Variants in RAPGEF5 observed in about 807,000 individuals in gnomAD.
RAPGEF5 encodes the protein Rap guanine nucleotide exchange factor 5.
Under a neutral mutation model 125.2 loss-of-function variants are expected in RAPGEF5, and 65 were observed. The observed-to-expected ratio is 0.52, with a 90% CI of 0.43 to 0.64. The LOEUF is 0.64. Ranked by LOEUF, RAPGEF5 falls within the 30% of genes least tolerant of loss-of-function variation. The pLI, the probability that RAPGEF5 is intolerant of heterozygous loss-of-function variation, is 0.00. For missense variants in RAPGEF5, 958 were observed against 1,048.1 expected (o/e 0.91, Z 1.19); for synonymous variants, 391 against 385.9 (o/e 1.01, Z -0.16).
chr7:22,164,591 GT>G (rs1784104743), intron 12 of RAPGEF5, among the ~76,000 whole-genome samples: 1 of 152,120 alleles, frequency 6.6e-6, no homozygotes, highest in Admixed American at 6.6e-5. Flanking sequence ...GCTTTACCTT[GT>G]TTTCCTCCCT....
chr7:22,343,720 C>G (rs191018119), intron 1 of RAPGEF5, among the ~76,000 whole-genome samples: 104 of 152,228 alleles, frequency 6.8e-4, no homozygotes, highest in Non-Finnish European at 5.3e-4. Flanking sequence ...TTGCTGGAAC[C>G]TATGGGCAAA....
At chr7:22,295,048 A>C (rs1486500547) in intron 5 of RAPGEF5, among the ~76,000 whole-genome samples, 1 of 152,198 alleles carries the variant, frequency 6.6e-6, no homozygotes, top group Non-Finnish European at 1.5e-5. Flanking sequence ...CAATTTAATA[A>C]ATGAAAGTTT....
intron 5 of RAPGEF5, among the ~76,000 whole-genome samples, chr7:22,304,213 G>A (rs765606784): frequency 3.9e-5 from 6 of 152,036 alleles, no homozygotes; most frequent in Non-Finnish European, 7.4e-5. Flanking sequence ...CTCTAGAAGA[G>A]ACCTGCAATG....
intron 7 of RAPGEF5, among the ~76,000 whole-genome samples, chr7:22,260,532 T>TAA (rs71550468): frequency 0.11 from 13,114 of 123,966 alleles, 853 homozygotes; most frequent in East Asian, 0.32. Flanking sequence ...TTAGGACCAG[T>TAA]AAAAAAAAAA....
At chr7:22,222,147 T>C (rs1275200566) in intron 8 of RAPGEF5, among the ~76,000 whole-genome samples, 1 of 152,062 alleles carries the variant, frequency 6.6e-6, no homozygotes, top group African/African-American at 2.4e-5. Flanking sequence ...CTCAGAGGGC[T>C]GAGGCAGGAG....
At chr7:22,226,768 G>C (rs531012998) in intron 8 of RAPGEF5, among the ~76,000 whole-genome samples, 57 of 152,254 alleles carry the variant, frequency 3.7e-4, no homozygotes, top group African/African-American at 1.3e-3. Context: ...CAAGGCAATG[G>C]ACATTCAGTT....
At chr7:22,202,204 G>A (rs1225984739) in intron 9 of RAPGEF5, among the ~76,000 whole-genome samples, 1 of 152,228 alleles carries the variant, frequency 6.6e-6, no homozygotes, top group East Asian at 1.9e-4. Flanking sequence ...GGCTAAGTCT[G>A]AGTAATGGGC....
rs1782540898 is a variant in RAPGEF5, at chr7:22,120,108, G to C, written c.*2298C>G. The C allele has an allele frequency of 6.6e-6, 1 of 152,178 alleles. No individual in the cohort carries two copies. The allele number at this position is 152,178 out of a possible 1,614,324, so 9.4% of individuals were successfully genotyped here. Reference sequence around the variant, plus strand: ...GAGATTTTAGACATTCAGAAGACAAGGATGGAAAAGCAAATCTTGACTGCA... The same window carrying C: ...GAGATTTTAGACATTCAGAAGACAACGATGGAAAAGCAAATCTTGACTGCA... On this transcript the variant is annotated 3_prime_UTR_variant, in exon 26 of 26. Coordinates refer to ENST00000665637, the MANE Select transcript of RAPGEF5 (RefSeq NM_012294.5). The surrounding 1 kb of genome is among the most constrained non-coding windows in gnomAD (Gnocchi z 4.0).
intron 7 of RAPGEF5, among the ~76,000 whole-genome samples, chr7:22,237,821 A>T (rs537471073): frequency 2.1e-4 from 32 of 152,370 alleles, no homozygotes; most frequent in Middle Eastern, 6.8e-3. Context: ...TTTCTAGAAC[A>T]CAGAGGTACT....
intron 4 of RAPGEF5, among the ~76,000 whole-genome samples, chr7:22,309,734 C>T (rs188639739): frequency 1.3e-3 from 198 of 152,228 alleles, no homozygotes; most frequent in Non-Finnish European, 2.1e-3. Flanking sequence ...GGAAGGACTC[C>T]TACAGGTAAT....
At chr7:22,293,864 A>C (rs998675742) in intron 5 of RAPGEF5, among the ~76,000 whole-genome samples, 3 of 152,178 alleles carry the variant, frequency 2.0e-5, no homozygotes, top group Non-Finnish European at 4.4e-5. Context: ...TTTTTACCTT[A>C]AACCTCCTCC....
At chr7:22,218,807 G>A (rs1477880936) in intron 9 of RAPGEF5, among the ~76,000 whole-genome samples, 2 of 152,126 alleles carry the variant, frequency 1.3e-5, no homozygotes, top group Non-Finnish European at 2.9e-5. Context: ...GTCAATAGTC[G>A]CCTCTGAAAT....
At chr7:22,201,703 C>T (rs1197696027) in intron 9 of RAPGEF5, among the ~76,000 whole-genome samples, 1 of 152,196 alleles carries the variant, frequency 6.6e-6, no homozygotes, top group African/African-American at 2.4e-5. Flanking sequence ...CTCTGCACTT[C>T]CCATGTGACC....
Position 22,318,053 on chromosome 7 carries a change from A to T in RAPGEF5, c.232-16T>A. 7.4e-7 allele frequency: 1 copy of T among 1,343,652 alleles called. No homozygotes were observed. 83.2% of individuals were successfully genotyped at this position (1,343,652 alleles called of 1,614,324 possible). A position where few individuals can be genotyped will look rare whatever the true frequency, so the allele number is the denominator to read the frequency against. On this transcript the variant is annotated splice_polypyrimidine_tract_variant and intron_variant, in intron 1 of 25. Transcript: ENST00000665637. Reference sequence around the variant, plus strand: ...TTGATAGAGTCTATTTTAAACAAAGAAAAAAAAAATAGTTAGAACCAAATA... The same window carrying T: ...TTGATAGAGTCTATTTTAAACAAAGTAAAAAAAAATAGTTAGAACCAAATA...
intron 7 of RAPGEF5, among the ~76,000 whole-genome samples, chr7:22,252,245 GTAACCT>G (rs1786642234): frequency 6.6e-6 from 1 of 152,220 alleles, no homozygotes; most frequent in Non-Finnish European, 1.5e-5. Context: ...AGACCAGACA[GTAACCT>G]GCTCTGGGCA....
At chr7:22,235,392 G>T (rs968951297) in intron 7 of RAPGEF5, among the ~76,000 whole-genome samples, 2 of 152,184 alleles carry the variant, frequency 1.3e-5, no homozygotes, top group Non-Finnish European at 2.9e-5. Context: ...GTTCATCACT[G>T]CTACAGTCAA....
intron 6 of RAPGEF5, among the ~76,000 whole-genome samples, chr7:22,271,213 A>G (rs1454881034): frequency 6.6e-6 from 1 of 152,208 alleles, no homozygotes; most frequent in Non-Finnish European, 1.5e-5. Flanking sequence ...GGCCCCAACT[A>G]AATCAGAATC....
At chr7:22,193,599 C>A in intron 10 of RAPGEF5, 144 bp from the exon 11 acceptor site, 1 of 1,551,020 alleles carries the variant, frequency 6.4e-7, no homozygotes, top group East Asian at 2.4e-5. Flanking sequence ...GGTCTGAGAG[C>A]GCCGCGGCGG....
At chr7:22,136,799 A>G in intron 22 of RAPGEF5, 134 bp downstream of exon 22, 1 of 719,606 alleles carries the variant, frequency 1.4e-6, no homozygotes, top group East Asian at 2.9e-5. Flanking sequence ...GCAAAGCTAC[A>G]GTTTCATATA....
Sources: gnomAD v4.1 joint callset for allele counts (sites outside exome capture counted in the v4.1 genomes callset) on GRCh38, gnomAD v4.1.1 for gene constraint, Gnocchi (gnomAD v3.1) non-coding constraint, MANE v1.5 for transcripts, NCBI Gene and HGNC (gene_info 2026-07-23, HGNC 2026-07-21) for gene names.